Variants in RC3H2 observed in about 807,000 individuals in gnomAD.
RC3H2 encodes the protein roquin-2.
A neutral mutation model predicts 133.3 loss-of-function variants in RC3H2; 31 were observed. The ratio of observed to expected loss-of-function variants is 0.23; its 90% CI spans 0.17 to 0.31. The LOEUF (loss-of-function observed/expected upper bound fraction) is 0.31. RC3H2 is among the 10% of genes least tolerant of loss of function. The pLI is 1.00. For missense variants in RC3H2, 1,175 were observed against 1,437.2 expected (o/e 0.82, Z 2.95); for synonymous variants, 517 against 502.2 (o/e 1.03, Z -0.40).
chr9:122,862,112 T>G (rs1830477304), intron 10 of RC3H2, among the ~76,000 whole-genome samples: 1 of 152,202 alleles, frequency 6.6e-6, no homozygotes, highest in South Asian at 2.1e-4. Context: ...ACTCATAGAC[T>G]TATCAACAAA....
chr9:122,895,103 A>G (rs1248149362), intron 2 of RC3H2, among the ~76,000 whole-genome samples: 1 of 152,174 alleles, frequency 6.6e-6, no homozygotes, highest in Admixed American at 6.5e-5. Flanking sequence ...ACATTTACAA[A>G]TGATATTAAC....
At position 122,853,949 on chromosome 9, in the gene RC3H2, T is replaced by C; in HGVS notation, c.3117+3A>G. On this transcript the variant is annotated splice_donor_region_variant and intron_variant, in intron 18 of 20. Coordinates refer to ENST00000357244, the MANE Select transcript of RC3H2 (RefSeq NM_001100588.3). ...ATGAAGCCGAAAGGTTCAGTTTCTTTACCTCTCCATTTCTTAGTTCAATTT... is the reference window on the plus strand; with the variant it reads ...ATGAAGCCGAAAGGTTCAGTTTCTTCACCTCTCCATTTCTTAGTTCAATTT... 1.2e-6 allele frequency: 2 copies of C among 1,614,238 alleles called. No individual in the cohort carries two copies. The highest frequency in any genetic ancestry group is 1.1e-5 in the South Asian group (1 of 91,090).
intron 14 of RC3H2, 40 bp from the exon 15 acceptor site, chr9:122,855,437 A>G: frequency 6.5e-7 from 1 of 1,544,260 alleles, no homozygotes; most frequent in Admixed American, 1.7e-5. Flanking sequence ...GACTGTTGGC[A>G]ATTACTTCAG....
Position 122,863,017 on chromosome 9 carries a change from A to G in RC3H2, c.1634+2332T>C, listed in dbSNP as rs184277284. Among the ~76,000 whole-genome samples the G allele has an allele frequency of 7.9e-5, 12 of 152,230 alleles. No homozygotes were observed. In the East Asian group the frequency reaches 2.1e-3, roughly 27 times the overall value. On this transcript the variant is annotated intron_variant, in intron 10 of 20. Coordinates refer to ENST00000357244, the MANE Select transcript of RC3H2 (RefSeq NM_001100588.3). ...ATATTCACAAGGCTGTCCAATTATCACCACTAATTCTGAAACATTTTCATC... is the reference window on the plus strand; with the variant it reads ...ATATTCACAAGGCTGTCCAATTATCGCCACTAATTCTGAAACATTTTCATC...
chr9:122,870,590 G>C (rs1831044486), intron 9 of RC3H2, among the ~76,000 whole-genome samples: 1 of 152,164 alleles, frequency 6.6e-6, no homozygotes, highest in African/African-American at 2.4e-5. Flanking sequence ...GCAGCTAAAG[G>C]CTGCCTTTTC....
chr9:122,903,970 C>T (rs1050680276), intron 1 of RC3H2, among the ~76,000 whole-genome samples: 12 of 152,106 alleles, frequency 7.9e-5, no homozygotes, highest in Non-Finnish European at 1.6e-4. Flanking sequence ...TATGTTTAAC[C>T]ATTAAAAGGC....
intron 1 of RC3H2, among the ~76,000 whole-genome samples, chr9:122,900,901 G>A (rs10985812): frequency 0.031 from 4,788 of 152,220 alleles, 98 homozygotes; most frequent in Non-Finnish European, 0.046. Flanking sequence ...TTAAAGGTGG[G>A]ACCATAAACA....
rs1829834492 is a variant in RC3H2, at chr9:122,844,836, C to G, written c.*4791G>C. 1 of 152,068 alleles carries G rather than the reference C, an allele frequency of 6.6e-6. No homozygotes were observed. Among genetic ancestry groups the G allele is most frequent in the Non-Finnish European group, 1.5e-5 (1 of 68,038 alleles). 9.4% of individuals were successfully genotyped at this position (152,068 alleles called of 1,614,324 possible). ...CCCCCATTTAATCCTATTCCTATAGCACAAAGGGAAACATTACAATTTGGA... is the reference window on the plus strand; with the variant it reads ...CCCCCATTTAATCCTATTCCTATAGGACAAAGGGAAACATTACAATTTGGA... On this transcript the variant is annotated 3_prime_UTR_variant, in exon 21 of 21. Coordinates refer to ENST00000357244, the MANE Select transcript of RC3H2 (RefSeq NM_001100588.3).
chr9:122,882,877 A>G (rs1401836497), intron 5 of RC3H2, among the ~76,000 whole-genome samples: 1 of 152,244 alleles, frequency 6.6e-6, no homozygotes, highest in Non-Finnish European at 1.5e-5. Context: ...TGAAGTTTCC[A>G]ATATAGTCTG....
Position 122,892,908 on chromosome 9 carries a change from C to G in RC3H2, c.349+1G>C. 6.2e-7 allele frequency: 1 copy of G among 1,611,112 alleles called. No homozygotes were observed. Among genetic ancestry groups the G allele is most frequent in the Non-Finnish European group, 8.5e-7 (1 of 1,178,262 alleles). On this transcript the variant is annotated splice_donor_variant, in intron 3 of 20. Coordinates refer to ENST00000357244, the MANE Select transcript of RC3H2 (RefSeq NM_001100588.3). LOFTEE classifies it high-confidence loss of function. The stretch of plus-strand genomic sequence containing the variant: ...AGTAAAAATGCATTTTATGAACTTA[C>G]CTTTACCTCCACTTAGTGGTTTTAA...
rs756042350 is a variant in RC3H2, at chr9:122,851,095, T to G, written c.3366A>C (p.Glu1122Asp). 6.2e-7 allele frequency: 1 copy of G among 1,614,196 alleles called. No individual in the cohort carries two copies. The highest frequency in any genetic ancestry group is 2.2e-5 in the East Asian group (1 of 44,878). Residue 1122 changes from glutamate (E) to aspartate (D), a missense_variant, in exon 20 of 21, where the codon GAA becomes GAC. Physicochemically the swap from Glu to Asp is conservative, Grantham distance 45. Transcript: ENST00000357244. ...PPKQKKQSLG[E>D]DHVILEEQKT... ...CTAACACTCACAGAATCACATGGTC[T>G]TCACCTAAACTCTGTTTCTTCTGCT...
At chr9:122,862,148 C>A (rs1830479461) in intron 10 of RC3H2, among the ~76,000 whole-genome samples, 1 of 151,994 alleles carries the variant, frequency 6.6e-6, no homozygotes, top group South Asian at 2.1e-4. Context: ...ATGATAAGGT[C>A]AACATTTATT....
At position 122,858,982 on chromosome 9, in the gene RC3H2, T is replaced by C. The variant is rs1282449373; in HGVS notation, c.1970A>G (p.His657Arg). The C allele has an allele frequency of 1.2e-6, 2 of 1,614,148 alleles. No individual in the cohort carries two copies. The highest frequency in any genetic ancestry group is 2.2e-5 in the South Asian group (2 of 91,084). ...LPPASMPYAD[H>R]YSTFSPRDRM... ...ATCTCGAGGGGAAAATGTACTGTAA[T>C]GATCGGCATATGGCATGGAAGCAGG... The change falls in exon 12 of 21, where the codon CAT becomes CGT. Residue 657 changes from histidine (H) to arginine (R), a missense_variant. His to Arg is a conservative substitution (Grantham distance 29, BLOSUM62 0). This residue lies in a region of RC3H2 where 490 missense variants were observed against 492.8 expected (regional missense o/e 0.99). Transcript: ENST00000357244.
Position 122,873,843 on chromosome 9 carries a change from A to T in RC3H2, c.1325+3628T>A, listed in dbSNP as rs528104143. The T allele has an allele frequency of 1.2e-4, 19 of 152,170 alleles. No homozygotes were observed. In the East Asian group the frequency reaches 3.7e-3, roughly 29 times the overall value. 9.4% of individuals were successfully genotyped at this position (152,170 alleles called of 1,614,324 possible). A position where few individuals can be genotyped will look rare whatever the true frequency, so the allele number is the denominator to read the frequency against. ...ATTTATATTTATTTTTTTGAGACGGAATCTTGCTCTGTCGTCCACACAGGA... is the reference window on the plus strand; with the variant it reads ...ATTTATATTTATTTTTTTGAGACGGTATCTTGCTCTGTCGTCCACACAGGA... On this transcript the variant is annotated intron_variant, in intron 9 of 20. Coordinates refer to ENST00000357244, the MANE Select transcript of RC3H2 (RefSeq NM_001100588.3).
At position 122,892,780 on chromosome 9, in the gene RC3H2, T is replaced by C. The variant is rs1358496782; in HGVS notation, c.349+129A>G. 1.0e-5 allele frequency: 7 copies of C among 679,214 alleles called. No individual in the cohort carries two copies. The African/African-American group carries it at 1.1e-4, about 10-fold the overall frequency. The allele number at this position is 679,214 out of a possible 1,614,324, so 42.1% of individuals were successfully genotyped here. On this transcript the variant is annotated intron_variant, in intron 3 of 20. Coordinates refer to ENST00000357244, the MANE Select transcript of RC3H2 (RefSeq NM_001100588.3). Reference sequence around the variant, plus strand: ...AGGACAACATAATTTTCTCAGTCTATACATTTTTCAAGGCATTTCTCAAGC... The same window carrying C: ...AGGACAACATAATTTTCTCAGTCTACACATTTTTCAAGGCATTTCTCAAGC...
chr9:122,897,614 A>T, intron 1 of RC3H2, 38 bp from the exon 2 acceptor site: 1 of 1,389,974 alleles, frequency 7.2e-7, no homozygotes, highest in Non-Finnish European at 9.7e-7. Context: ...CCACATATTC[A>T]TCATTCACCT....
chr9:122,896,898 G>A (rs987379119), intron 2 of RC3H2, among the ~76,000 whole-genome samples: 6 of 151,394 alleles, frequency 4.0e-5, no homozygotes, highest in East Asian at 1.9e-4. Flanking sequence ...TGGTGATGTG[G>A]GCCTATAGTC....
At chr9:122,873,519 G>A (rs1831193045) in intron 9 of RC3H2, among the ~76,000 whole-genome samples, 2 of 151,906 alleles carry the variant, frequency 1.3e-5, no homozygotes, top group South Asian at 4.1e-4. Context: ...GACCAGCCTG[G>A]GCAACATGGT....
At chr9:122,880,862 C>T in intron 5 of RC3H2, 68 bp from the exon 6 acceptor site, 1 of 1,156,906 alleles carries the variant, frequency 8.6e-7, no homozygotes. Context: ...TTCGTTTATT[C>T]CTTTTTCAGG....
Sources: allele counts gnomAD v4.1 joint callset (sites outside exome capture counted in the v4.1 genomes callset), GRCh38; gene constraint gnomAD v4.1.1; regional missense constraint gnomAD v4.1.1; transcripts MANE v1.5; gene names NCBI Gene and HGNC (gene_info 2026-07-23, HGNC 2026-07-21).